The following ZFYVE28 variants were observed in gnomAD, a reference collection of about 807,000 sequenced individuals.
The protein encoded by ZFYVE28 is lateral signaling target protein 2 homolog.
Under a neutral mutation model 82.1 loss-of-function variants are expected in ZFYVE28, and 40 were observed. The ratio of observed to expected loss-of-function variants is 0.49; its 90% CI spans 0.38 to 0.63. The LOEUF is 0.63. Ranked by LOEUF, ZFYVE28 falls within the 30% of genes least tolerant of loss-of-function variation. ZFYVE28 has a pLI of 0.00. For missense variants in ZFYVE28, 1,321 were observed against 1,242.1 expected (o/e 1.06, Z -0.96); for synonymous variants, 612 against 546.1 (o/e 1.12, Z -1.68).
At chr4:2,364,942 C>T (rs1057237006) in intron 1 of ZFYVE28, 2 of 978,826 alleles carry the variant, frequency 2.0e-6, no homozygotes, top group Non-Finnish European at 2.4e-6. Context: ...CCAGCAGGGG[C>T]GGCGCAGCCT....
rs1560182588 is a variant in ZFYVE28 at position 2,308,688 on chromosome 4, A to AAAAAG, written c.804-3153_804-3152insCTTTT. Among the ~76,000 whole-genome samples the AAAAAG allele has an allele frequency of 1.2e-3, 156 of 128,072 alleles. 2 individuals are homozygous for AAAAAG. The highest frequency in any genetic ancestry group is 4.6e-3 in the African/African-American group (144 of 31,496). The allele number at this position is 128,072 out of a possible 152,430, so 84.0% of individuals were successfully genotyped here. A position where few individuals can be genotyped will look rare whatever the true frequency, so the allele number is the denominator to read the frequency against. On this transcript the variant is annotated intron_variant, in intron 7 of 12. Transcript: ENST00000290974. ...AAGAAAGAAAGAAAGAGAAAGAAAG[A>AAAAAG]AAAGAAAAGAAAAGAAAAAAGAAAA...
Position 2,341,391 on chromosome 4 carries a change from T to C in ZFYVE28, c.318+87A>G. On this transcript the variant is annotated intron_variant, in intron 3 of 12. Transcript: ENST00000290974. The surrounding 1 kb of genome is among the most constrained non-coding windows in gnomAD (Gnocchi z 4.5). ...GGAGGAGACACCAGGTCCCGGCACC[T>C]GCAGGCGCCCATGCACAAGGTTCGC... 4 of 1,543,904 alleles carry C rather than the reference T, an allele frequency of 2.6e-6. No homozygotes were observed. The highest frequency in any genetic ancestry group is 3.5e-6 in the Non-Finnish European group (4 of 1,139,614).
intron 1 of ZFYVE28, among the ~76,000 whole-genome samples, chr4:2,371,014 G>A (rs1157416912): frequency 3.9e-5 from 6 of 152,362 alleles, no homozygotes; most frequent in Admixed American, 2.0e-4. Context: ...GAACGTGGAC[G>A]CAGCATGTGG....
At chr4:2,347,238 T>C (rs1015315514) in intron 2 of ZFYVE28, among the ~76,000 whole-genome samples, 1 of 152,198 alleles carries the variant, frequency 6.6e-6, no homozygotes, top group Non-Finnish European at 1.5e-5. Context: ...CACATAACAA[T>C]TGTTAACATT....
chr4:2,324,864 T>G (rs904683257), intron 6 of ZFYVE28: 11 of 169,228 alleles, frequency 6.5e-5, no homozygotes, highest in African/African-American at 2.6e-4. Context: ...GTCAGGGCCC[T>G]GAGGAATTAT....
At chr4:2,274,624 G>C (rs1444141920) in intron 8 of ZFYVE28, among the ~76,000 whole-genome samples, 1 of 152,086 alleles carries the variant, frequency 6.6e-6, no homozygotes, top group Non-Finnish European at 1.5e-5. Context: ...CCCCACCCCA[G>C]CCCCTGAAGC....
chr4:2,305,736 G>T (rs1578003733), intron 7 of ZFYVE28, among the ~76,000 whole-genome samples, 200 bp from the exon 8 acceptor site: 1 of 152,218 alleles, frequency 6.6e-6, no homozygotes, highest in South Asian at 2.1e-4. Flanking sequence ...CAGGACAACG[G>T]TGTTCAAGGT....
chr4:2,390,731 G>A (rs1327221221), intron 1 of ZFYVE28, among the ~76,000 whole-genome samples: 3 of 152,180 alleles, frequency 2.0e-5, no homozygotes, highest in African/African-American at 4.8e-5. Flanking sequence ...TGAAGTTTAC[G>A]TTTAGTTTAT....
rs541373987 is a variant in ZFYVE28 at position 2,416,963 on chromosome 4, G to A, written c.39+1322C>T. Among the ~76,000 whole-genome samples the A allele has an allele frequency of 1.3e-5, 2 of 152,324 alleles. No homozygotes were observed. The highest frequency in any genetic ancestry group is 4.8e-5 in the African/African-American group (2 of 41,592). ...GCCCTGAGTGAGCCCTCAAACCTCC[G>A]TGCCGATCTTCCAAACCCACCTCCC... On this transcript the variant is annotated intron_variant, in intron 1 of 12. Coordinates refer to ENST00000290974, the MANE Select transcript of ZFYVE28 (RefSeq NM_020972.3). The surrounding 1 kb of genome is among the most constrained non-coding windows in gnomAD (Gnocchi z 4.6).
intron 8 of ZFYVE28, among the ~76,000 whole-genome samples, chr4:2,299,216 C>T (rs774685251): frequency 3.3e-5 from 5 of 152,104 alleles, no homozygotes; most frequent in African/African-American, 1.2e-4. Flanking sequence ...CTTCCCAGAA[C>T]GAAAAACGCA....
At chr4:2,321,120 T>C (rs1051356107) in intron 6 of ZFYVE28, among the ~76,000 whole-genome samples, 1 of 152,026 alleles carries the variant, frequency 6.6e-6, no homozygotes, top group Non-Finnish European at 1.5e-5. Flanking sequence ...ATGTCTCAGG[T>C]GCCTGGGGAG....
intron 8 of ZFYVE28, among the ~76,000 whole-genome samples, chr4:2,303,482 C>T (rs1404687924): frequency 6.6e-6 from 1 of 152,214 alleles, no homozygotes; most frequent in Non-Finnish European, 1.5e-5. Context: ...CGTCTCTCTT[C>T]CAGTTAGCGA....
chr4:2,358,011 A>C (rs1354996039), intron 1 of ZFYVE28, among the ~76,000 whole-genome samples: 1 of 152,134 alleles, frequency 6.6e-6, no homozygotes, highest in Non-Finnish European at 1.5e-5. Flanking sequence ...CTGGCACACA[A>C]AGCCCCAGTC....
chr4:2,365,457 G>A (rs938059124), intron 1 of ZFYVE28, among the ~76,000 whole-genome samples: 3 of 152,070 alleles, frequency 2.0e-5, no homozygotes, highest in South Asian at 2.1e-4. Context: ...CAGGGTCTGC[G>A]CCAGTCACCC....
Position 2,346,164 on chromosome 4 carries a change from T to TA in ZFYVE28, c.181-4550dup, listed in dbSNP as rs34720466. Among the ~76,000 whole-genome samples, 136 of 126,468 alleles carry TA rather than the reference T, an allele frequency of 1.1e-3. 2 individuals carry two copies. In the East Asian group the frequency reaches 0.021, roughly 20 times the overall value. The allele number at this position is 126,468 out of a possible 152,430, so 83.0% of individuals were successfully genotyped here. A position where few individuals can be genotyped will look rare whatever the true frequency, so the allele number is the denominator to read the frequency against. On this transcript the variant is annotated intron_variant, in intron 2 of 12. Coordinates refer to ENST00000290974, the MANE Select transcript of ZFYVE28 (RefSeq NM_020972.3). ...TAATACGGTGAAACCCCGTCTCTAC[T>TA]AAAAAAAAAAAAAAAAAAATACAAA...
At position 2,339,443 on chromosome 4, in the gene ZFYVE28, G is replaced by C; in HGVS notation, c.521+10C>G. The C allele has an allele frequency of 6.2e-7, 1 of 1,612,760 alleles. No homozygotes were observed. The highest frequency in any genetic ancestry group is 8.5e-7 in the Non-Finnish European group (1 of 1,179,548). ...ATACAGCCAGGGCTGTGGACCCACA[G>C]CTGCAGTACCTGAGCTCAAACTCTG... On this transcript the variant is annotated intron_variant, in intron 4 of 12. Coordinates refer to ENST00000290974, the MANE Select transcript of ZFYVE28 (RefSeq NM_020972.3). This position sits in a 1 kb window ranked among gnomAD's most constrained non-coding sequence, Gnocchi z 5.0.
At chr4:2,386,553 G>A (rs1023995808) in intron 1 of ZFYVE28, among the ~76,000 whole-genome samples, 1 of 152,146 alleles carries the variant, frequency 6.6e-6, no homozygotes, top group African/African-American at 2.4e-5. Flanking sequence ...GCCGTTTGTG[G>A]ACTGAGGGTC....
chr4:2,276,401 G>C (rs1736449628), intron 8 of ZFYVE28, among the ~76,000 whole-genome samples: 1 of 152,198 alleles, frequency 6.6e-6, no homozygotes, highest in Admixed American at 6.5e-5. Flanking sequence ...TCTGCCCTGG[G>C]AGCTGAATAA....
At chr4:2,340,886 G>A (rs1279444753) in intron 3 of ZFYVE28, among the ~76,000 whole-genome samples, 1 of 152,120 alleles carries the variant, frequency 6.6e-6, no homozygotes, top group African/African-American at 2.4e-5. Flanking sequence ...GGCAGGATGG[G>A]GACGGCACAA....
Sources: gnomAD v4.1 joint callset for allele counts (sites outside exome capture counted in the v4.1 genomes callset) on GRCh38, gnomAD v4.1.1 for gene constraint, Gnocchi (gnomAD v3.1) non-coding constraint, MANE v1.5 for transcripts, NCBI Gene and HGNC (gene_info 2026-07-23, HGNC 2026-07-21) for gene names.